The following CD226 variants were observed in gnomAD, a reference collection of about 807,000 sequenced individuals.
CD226 encodes CD226 antigen.
In CD226, 24 loss-of-function variants were observed where a neutral mutation model predicts 34.9. The ratio of observed to expected loss-of-function variants is 0.69; its 90% CI spans 0.50 to 0.97. The LOEUF (loss-of-function observed/expected upper bound fraction) is 0.97. Among genes scored for constraint, CD226 ranks in the 50% least tolerant of loss-of-function variants. The pLI is 0.00. For synonymous variants in CD226, 148 were observed against 147.4 expected, an observed-to-expected ratio of 1.00 and a Z score of -0.03; for missense variants, 397 against 412.7, an observed-to-expected ratio of 0.96 and a Z score of 0.33.
chr18:69,920,172 A>G (rs552215115), intron 2 of CD226, among the ~76,000 whole-genome samples: 7 of 152,156 alleles, frequency 4.6e-5, no homozygotes, highest in African/African-American at 1.7e-4. Context: ...CCTTGTTGTC[A>G]CTCTCTACAC....
At position 69,873,238 on chromosome 18, in the gene CD226, C is replaced by T. The variant is rs940674249; in HGVS notation, c.736G>A (p.Asp246Asn). Residue 246 changes from aspartate (D) to asparagine (N), a missense_variant, in exon 4 of 6, where the codon GAT (aspartate) becomes AAT (asparagine). Physicochemically the swap from Asp to Asn is conservative, Grantham distance 23. Transcript: ENST00000582621. ...GCCACAAAGAGGGTATATTGGTTAT[C>T]GGTTTTACCTAGGAGAGAAAAAAAA... is the stretch of plus-strand genomic sequence containing the variant. The part of the protein sequence containing the change: ...MRLTVAEGKT[D>N]NQYTLFVAGG... 1.9e-5 allele frequency: 30 copies of T among 1,583,630 alleles called. No homozygotes were observed. The highest frequency in any genetic ancestry group is 3.3e-5 in the Admixed American group (2 of 59,780).
chr18:69,953,376 TACTC>T (rs1260954739), intron 1 of CD226, among the ~76,000 whole-genome samples: 2 of 152,254 alleles, frequency 1.3e-5, no homozygotes, highest in African/African-American at 4.8e-5. Context: ...AATGGAATAT[TACTC>T]AGCCATAAAA....
intron 2 of CD226, 99 bp downstream of exon 2, chr18:69,946,635 A>T: frequency 1.3e-6 from 1 of 792,538 alleles, no homozygotes; most frequent in Non-Finnish European, 2.0e-6. Context: ...TGCCACAGAA[A>T]TACGAGAAGA....
chr18:69,920,963 C>T (rs2055443792), intron 2 of CD226, among the ~76,000 whole-genome samples: 1 of 152,208 alleles, frequency 6.6e-6, no homozygotes, highest in African/African-American at 2.4e-5. Flanking sequence ...TTATGCAGCA[C>T]AACTCAGCCC....
chr18:69,885,640 C>G (rs528967936), intron 3 of CD226, among the ~76,000 whole-genome samples: 6 of 152,156 alleles, frequency 3.9e-5, no homozygotes, highest in Non-Finnish European at 7.3e-5. Context: ...TGAGCCATCA[C>G]CAGGTCTCCT....
chr18:69,872,691 G>A (rs1983609202), intron 4 of CD226, among the ~76,000 whole-genome samples: 1 of 152,160 alleles, frequency 6.6e-6, no homozygotes, highest in Admixed American at 6.5e-5. Flanking sequence ...TTGAAATTAT[G>A]CTGTTTGCTT....
At chr18:69,952,986 A>C (rs145650399) in intron 1 of CD226, among the ~76,000 whole-genome samples, 1 of 152,342 alleles carries the variant, frequency 6.6e-6, no homozygotes, top group Non-Finnish European at 1.5e-5. Context: ...GTCAATAAGG[A>C]AACACAAATA....
intron 3 of CD226, among the ~76,000 whole-genome samples, chr18:69,876,959 G>A (rs998214193): frequency 1.7e-4 from 24 of 141,342 alleles, no homozygotes; most frequent in African/African-American, 6.4e-4. Flanking sequence ...CGCCTCCCAG[G>A]TTCAAGTGAT....
Position 69,900,709 on chromosome 18 carries a change from G to A in CD226, c.383-4664C>T, listed in dbSNP as rs1442852136. ...ATTGCGCCACTGCAGTCCGCAGTCC[G>A]GCCTGGGCGACAGAGCGAGACTCCG... is the stretch of plus-strand genomic sequence containing the variant. On this transcript the variant is annotated intron_variant, in intron 2 of 5. Transcript: ENST00000582621. Among the ~76,000 whole-genome samples, 17 of 145,120 alleles carry A rather than the reference G, an allele frequency of 1.2e-4. 1 individual carries two copies. Among genetic ancestry groups the A allele is most frequent in the South Asian group, 2.2e-4 (1 of 4,554 alleles).
chr18:69,911,616 T>C (rs2055326082), intron 2 of CD226, among the ~76,000 whole-genome samples: 1 of 152,142 alleles, frequency 6.6e-6, no homozygotes. Flanking sequence ...TCATATAAGT[T>C]TGGAATAATA....
intron 2 of CD226, among the ~76,000 whole-genome samples, chr18:69,923,379 A>C (rs1286872383): frequency 6.6e-6 from 1 of 152,134 alleles, no homozygotes; most frequent in Admixed American, 6.5e-5. Context: ...TGAAGTTCTC[A>C]CTGGTTAGAA....
intron 3 of CD226, among the ~76,000 whole-genome samples, chr18:69,884,355 T>C (rs1171856770): frequency 6.6e-6 from 1 of 152,166 alleles, no homozygotes; most frequent in Non-Finnish European, 1.5e-5. Context: ...AACACTGCTC[T>C]ACTCTAGAAA....
intron 2 of CD226, among the ~76,000 whole-genome samples, chr18:69,917,481 C>A (rs1568191652): frequency 1.3e-5 from 2 of 152,032 alleles, no homozygotes; most frequent in Non-Finnish European, 2.9e-5. Context: ...AGGTTACACA[C>A]CCCCCCAACA....
chr18:69,934,232 G>A (rs573036127), intron 2 of CD226, among the ~76,000 whole-genome samples: 3 of 151,310 alleles, frequency 2.0e-5, no homozygotes, highest in South Asian at 4.2e-4. Flanking sequence ...CTATAGTCTC[G>A]GGTTCTTTAT....
At chr18:69,877,681 A>T (rs1983960665) in intron 3 of CD226, among the ~76,000 whole-genome samples, 1 of 152,182 alleles carries the variant, frequency 6.6e-6, no homozygotes, top group Non-Finnish European at 1.5e-5. Flanking sequence ...GTGCCCCAAC[A>T]TTATAACAAG....
At chr18:69,915,640 T>C (rs186511669) in intron 2 of CD226, among the ~76,000 whole-genome samples, 1 of 152,336 alleles carries the variant, frequency 6.6e-6, no homozygotes, top group East Asian at 1.9e-4. Flanking sequence ...TCTCCTTGGC[T>C]CTTTTATCTC....
intron 3 of CD226, among the ~76,000 whole-genome samples, chr18:69,876,752 T>G (rs1983887919): frequency 6.6e-6 from 1 of 151,968 alleles, no homozygotes; most frequent in South Asian, 2.1e-4. Context: ...AAGGACAGTA[T>G]CAGATCCCAC....
In CD226 at chr18:69,864,336, C is replaced by A. The variant is rs146733994; in HGVS notation, c.989G>T (p.Arg330Leu). Residue 330 changes from arginine (R) to leucine (L), a missense_variant, in exon 6 of 6, where the codon CGC (arginine) becomes CTC (leucine). Transcript: ENST00000582621. ...AGCTTAAACTCTAGTCTTTGGTCTG[C>A]GAGAGAAGGTTGGATAGTTGACATA... ...DIYVNYPTFS[R>L]RPKTRV 6 of 1,613,528 alleles carry A rather than the reference C, an allele frequency of 3.7e-6. No homozygotes were observed. In the African/African-American group the frequency reaches 6.7e-5, roughly 18 times the overall value.
Position 69,904,930 on chromosome 18 carries a change from T to C in CD226, c.383-8885A>G, listed in dbSNP as rs572676670. Among the ~76,000 whole-genome samples, 10 of 152,374 alleles carry C rather than the reference T, an allele frequency of 6.6e-5. No individual in the cohort carries two copies. The South Asian group carries it at 2.1e-3, about 32-fold the overall frequency. ...TCTGTACTAGAGAATAGATTGTTAGTGATGGTCCCTGGAGACTACATTAAG... is the reference window on the plus strand; with the variant it reads ...TCTGTACTAGAGAATAGATTGTTAGCGATGGTCCCTGGAGACTACATTAAG... On this transcript the variant is annotated intron_variant, in intron 2 of 5. Transcript: ENST00000582621.
Sources: gnomAD v4.1 joint callset for allele counts (sites outside exome capture counted in the v4.1 genomes callset) on GRCh38, gnomAD v4.1.1 for gene constraint, MANE v1.5 for transcripts, NCBI Gene and HGNC (gene_info 2026-07-23, HGNC 2026-07-21) for gene names.